The following TXNDC16 variants were observed in gnomAD, a reference collection of about 807,000 sequenced individuals.
TXNDC16 encodes the protein thioredoxin domain containing 16, also known as thioredoxin domain-containing protein 16.
TXNDC16 carries 74 observed loss-of-function variants against 85.6 expected under a neutral mutation model. That is an observed-to-expected ratio of 0.86 (90% CI 0.72 to 1.05). The LOEUF is 1.05. Ranked by LOEUF, TXNDC16 falls within the 50% of genes least tolerant of loss-of-function variation. The probability of loss-of-function intolerance (pLI) is 0.00; values close to 1 mark genes in which losing one functional copy is unlikely to be tolerated. For synonymous variants in TXNDC16, 335 were observed against 326.5 expected, an observed-to-expected ratio of 1.03 and a Z score of -0.28; for missense variants, 959 against 947.0, an observed-to-expected ratio of 1.01 and a Z score of -0.17.
At chr14:52,473,343 T>G (rs1336493023) in intron 14 of TXNDC16, among the ~76,000 whole-genome samples, 5 of 152,194 alleles carry the variant, frequency 3.3e-5, no homozygotes, top group African/African-American at 7.2e-5. Context: ...CATCTGGTGA[T>G]GCTTGTTTAT....
intron 12 of TXNDC16, among the ~76,000 whole-genome samples, chr14:52,484,201 G>T (rs190520545): frequency 6.6e-6 from 1 of 150,872 alleles, no homozygotes; most frequent in Non-Finnish European, 1.5e-5. Flanking sequence ...AACAATAAGG[G>T]GGGGGGGTGA....
intron 11 of TXNDC16, among the ~76,000 whole-genome samples, chr14:52,488,831 GAAAAAAA>G (rs199871075): frequency 2.2e-5 from 2 of 89,956 alleles, no homozygotes; most frequent in African/African-American, 9.2e-5. Context: ...GAGACTCTGG[GAAAAAAA>G]AAAAAAAAAA....
At chr14:52,530,309 A>AT (rs2037489570) in intron 6 of TXNDC16, among the ~76,000 whole-genome samples, 1 of 56,920 alleles carries the variant, frequency 1.8e-5, no homozygotes, top group Non-Finnish European at 2.8e-5. Context: ...ATATTAATAT[A>AT]TAATATATAA....
chr14:52,537,005 G>A (rs79732758), intron 5 of TXNDC16, among the ~76,000 whole-genome samples: 2,846 of 151,254 alleles, frequency 0.019, 59 homozygotes, highest in Non-Finnish European at 0.023. Context: ...CTCTGTACCT[G>A]GCAAAAAGGC....
At chr14:52,504,261 A>G (rs1412598058) in intron 9 of TXNDC16, among the ~76,000 whole-genome samples, 2 of 152,186 alleles carry the variant, frequency 1.3e-5, no homozygotes, top group Non-Finnish European at 2.9e-5. Context: ...TCCAAGACAC[A>G]TAATTGTCAG....
chr14:52,447,711 A>G (rs1261440172), intron 18 of TXNDC16, among the ~76,000 whole-genome samples: 1 of 152,188 alleles, frequency 6.6e-6, no homozygotes, highest in Non-Finnish European at 1.5e-5. Flanking sequence ...CCAGAGACCA[A>G]TCCTGGAGAA....
intron 4 of TXNDC16, among the ~76,000 whole-genome samples, chr14:52,540,920 G>A (rs2037816452): frequency 6.6e-6 from 1 of 152,130 alleles, no homozygotes; most frequent in Non-Finnish European, 1.5e-5. Context: ...TCCAGATAGA[G>A]CTCAGCATTC....
At chr14:52,439,887 A>T (rs201040019) in intron 19 of TXNDC16, among the ~76,000 whole-genome samples, 41,102 of 152,058 alleles carry the variant, frequency 0.27, 5,677 homozygotes, top group East Asian at 0.39. Flanking sequence ...GGAAACTCTA[A>T]GTTAAAGATA....
At chr14:52,484,609 G>T (rs545318947) in intron 12 of TXNDC16, among the ~76,000 whole-genome samples, 1 of 152,322 alleles carries the variant, frequency 6.6e-6, no homozygotes, top group East Asian at 1.9e-4. Context: ...GCCAGGGACA[G>T]TGGCTCACAC....
chr14:52,533,468 A>G (rs1470117827), intron 6 of TXNDC16, among the ~76,000 whole-genome samples: 1 of 152,152 alleles, frequency 6.6e-6, no homozygotes, highest in African/African-American at 2.4e-5. Flanking sequence ...CCCCATAGAC[A>G]TATCTCACAT....
intron 18 of TXNDC16, among the ~76,000 whole-genome samples, chr14:52,443,966 T>C (rs2035222954): frequency 2.6e-5 from 4 of 151,742 alleles, no homozygotes; most frequent in African/African-American, 9.7e-5. Flanking sequence ...GATAAAATTT[T>C]CCAAAGAAAA....
rs547929719 is a variant in TXNDC16, at chr14:52,457,647, T to C, written c.1619-473A>G. On this transcript the variant is annotated intron_variant, in intron 16 of 20. Transcript: ENST00000281741. ...TTCTAGCCCTCTAACAGTGTCTGTG[T>C]TAGGGTTGTGCAAGTAGAAGGGATT... Among the ~76,000 whole-genome samples, 28 of 152,318 alleles carry C rather than the reference T, an allele frequency of 1.8e-4. No homozygotes were observed. The South Asian group carries it at 5.4e-3, about 29-fold the overall frequency.
chr14:52,432,445 T>C lies in TXNDC16; in HGVS notation c.2337A>G (p.Glu779=), dbSNP rs751021266. ...TGACTGCCGATTTATCTTCATGTTG[T>C]TCCTTATCATTCTCCTGCACATCTG... ...KETDVQENDK[E]QHEDKSAVRK... The change falls in exon 21 of 21, where the codon GAA becomes GAG. Residue 779 remains glutamate, a synonymous_variant. Coordinates refer to ENST00000281741, the MANE Select transcript of TXNDC16 (RefSeq NM_020784.3). The C allele has an allele frequency of 5.0e-6, 8 of 1,614,108 alleles. No homozygotes were observed. Among genetic ancestry groups the C allele is most frequent in the Non-Finnish European group, 6.8e-6 (8 of 1,179,990 alleles).
intron 18 of TXNDC16, among the ~76,000 whole-genome samples, chr14:52,451,434 T>C (rs1187864747): frequency 2.0e-5 from 3 of 152,098 alleles, no homozygotes; most frequent in Non-Finnish European, 2.9e-5. Context: ...TATCAATTGA[T>C]GCAAAAATCC....
chr14:52,466,200 GA>G (rs573661268), intron 16 of TXNDC16, among the ~76,000 whole-genome samples: 7 of 148,204 alleles, frequency 4.7e-5, no homozygotes, highest in South Asian at 2.1e-4. Context: ...GGCATACAAA[GA>G]AAAAAAAACC....
At chr14:52,521,836 C>T (rs959434517) in intron 6 of TXNDC16, among the ~76,000 whole-genome samples, 1 of 152,172 alleles carries the variant, frequency 6.6e-6, no homozygotes, top group Non-Finnish European at 1.5e-5. Context: ...AACAGTATTA[C>T]ACACATATTC....
chr14:52,484,198 AG>A (rs71125109), intron 12 of TXNDC16, among the ~76,000 whole-genome samples: 31,527 of 140,390 alleles, frequency 0.22, 3,571 homozygotes, highest in East Asian at 0.36. Flanking sequence ...CAAAACAATA[AG>A]GGGGGGGGGT....
At chr14:52,476,791 A>G (rs2036030074) in intron 14 of TXNDC16, among the ~76,000 whole-genome samples, 1 of 152,224 alleles carries the variant, frequency 6.6e-6, no homozygotes, top group South Asian at 2.1e-4. Context: ...GTCTTGCTAG[A>G]GAACTAGGCA....
intron 16 of TXNDC16, among the ~76,000 whole-genome samples, chr14:52,466,974 T>C (rs2140128180): frequency 6.6e-6 from 1 of 152,070 alleles, no homozygotes; most frequent in South Asian, 2.1e-4. Flanking sequence ...AATGTTCACC[T>C]AGTAGAGTCA....
Sources: allele counts gnomAD v4.1 joint callset (sites outside exome capture counted in the v4.1 genomes callset), GRCh38; gene constraint gnomAD v4.1.1; transcripts MANE v1.5; gene names NCBI Gene and HGNC (gene_info 2026-07-23, HGNC 2026-07-21).